Variants in LRRTM4 observed in about 807,000 individuals in gnomAD.
LRRTM4 encodes leucine-rich repeat transmembrane neuronal protein 4.
Under a neutral mutation model 47.6 loss-of-function variants are expected in LRRTM4, and 25 were observed. The ratio of observed to expected loss-of-function variants is 0.53; its 90% CI spans 0.38 to 0.73. The LOEUF is 0.73. Among genes scored for constraint, LRRTM4 ranks in the 30% least tolerant of loss-of-function variants. The pLI, the probability that LRRTM4 is intolerant of heterozygous loss-of-function variation, is 0.00. For missense variants in LRRTM4, 638 were observed against 713.4 expected (o/e 0.89, Z 1.20); for synonymous variants, 311 against 269.5 (o/e 1.15, Z -1.51).
chr2:77,243,974 T>G (rs1675349477), intron 3 of LRRTM4, among the ~76,000 whole-genome samples: 1 of 128,830 alleles, frequency 7.8e-6, no homozygotes, highest in East Asian at 2.2e-4. Context: ...CATGTGTCCA[T>G]GTGATCTCAT....
At chr2:76,911,131 TACTC>T (rs1483561404) in intron 3 of LRRTM4, among the ~76,000 whole-genome samples, 1 of 152,212 alleles carries the variant, frequency 6.6e-6, no homozygotes, top group Non-Finnish European at 1.5e-5. Flanking sequence ...GTTTAATAAT[TACTC>T]ATTTAGTCAT....
intron 3 of LRRTM4, among the ~76,000 whole-genome samples, chr2:77,041,105 A>G (rs982630875): frequency 4.0e-5 from 6 of 151,422 alleles, no homozygotes; most frequent in African/African-American, 2.4e-5. Context: ...GCTTCTGGTA[A>G]CCAATCTCCT....
At chr2:77,465,737 C>A (rs1480227685) in intron 3 of LRRTM4, among the ~76,000 whole-genome samples, 1 of 152,148 alleles carries the variant, frequency 6.6e-6, no homozygotes, top group Non-Finnish European at 1.5e-5. Context: ...TTTTACCTAT[C>A]AGTGGTCCCA....
At chr2:77,234,790 G>A (rs1573117397) in intron 3 of LRRTM4, among the ~76,000 whole-genome samples, 1 of 152,078 alleles carries the variant, frequency 6.6e-6, no homozygotes, top group African/African-American at 2.4e-5. Context: ...GGGTATAAGT[G>A]CAGGTTTGTT....
intron 3 of LRRTM4, among the ~76,000 whole-genome samples, chr2:76,930,434 C>A (rs1573328871): frequency 6.6e-6 from 1 of 152,162 alleles, no homozygotes. Flanking sequence ...TTATTATTTT[C>A]TTCCTTTTTG....
rs142101196 is a variant in LRRTM4, at chr2:76,775,914, C to G, written c.1552-26998G>C. 5.7e-3 allele frequency among the ~76,000 whole-genome samples: 858 copies of G among 151,170 alleles called. 7 individuals carry two copies. Among genetic ancestry groups the G allele is most frequent in the African/African-American group, 0.019 (779 of 41,026 alleles). ...CAATGCTATCCCTCCCGCCTCCCCCCACCCCACAACAGTCCCCAGAGTGTG... is the reference window on the plus strand; with the variant it reads ...CAATGCTATCCCTCCCGCCTCCCCCGACCCCACAACAGTCCCCAGAGTGTG... On this transcript the variant is annotated intron_variant, in intron 3 of 3. Coordinates refer to ENST00000409884, the MANE Select transcript of LRRTM4 (RefSeq NM_001134745.3).
At chr2:77,018,674 T>C (rs919204828) in intron 3 of LRRTM4, among the ~76,000 whole-genome samples, 2 of 152,184 alleles carry the variant, frequency 1.3e-5, no homozygotes, top group African/African-American at 4.8e-5. Flanking sequence ...GAATTACTAA[T>C]AGTTCAGAAG....
chr2:77,308,942 A>G (rs993292277), intron 3 of LRRTM4, among the ~76,000 whole-genome samples: 3 of 152,326 alleles, frequency 2.0e-5, no homozygotes, highest in East Asian at 3.9e-4. Flanking sequence ...AACACTAACC[A>G]TAAACTCAGT....
chr2:77,039,193 C>T (rs1678944024), intron 3 of LRRTM4, among the ~76,000 whole-genome samples: 3 of 151,188 alleles, frequency 2.0e-5, no homozygotes, highest in Non-Finnish European at 3.0e-5. Flanking sequence ...AAAAGAGGAT[C>T]ACAGAATAGC....
chr2:77,004,352 A>C (rs999317199), intron 3 of LRRTM4, among the ~76,000 whole-genome samples: 3 of 152,202 alleles, frequency 2.0e-5, no homozygotes, highest in African/African-American at 7.2e-5. Context: ...TGCTCTAGTC[A>C]TGGCTAAAAG....
chr2:77,423,979 A>G (rs866544721), intron 3 of LRRTM4, among the ~76,000 whole-genome samples: 1 of 152,130 alleles, frequency 6.6e-6, no homozygotes, highest in African/African-American at 2.4e-5. Context: ...TAAGCTGTCA[A>G]TTAGAATAAT....
intron 3 of LRRTM4, among the ~76,000 whole-genome samples, chr2:77,397,850 C>T (rs1673762610): frequency 6.6e-6 from 1 of 151,784 alleles, no homozygotes; most frequent in Non-Finnish European, 1.5e-5. Flanking sequence ...TATACGATTC[C>T]ATTGGTAGTG....
At chr2:76,810,638 T>C (rs1339047114) in intron 3 of LRRTM4, among the ~76,000 whole-genome samples, 1 of 152,186 alleles carries the variant, frequency 6.6e-6, no homozygotes, top group Admixed American at 6.6e-5. Flanking sequence ...CTATAGAAAT[T>C]ATATTCCAAA....
At chr2:77,309,681 TGATAGA>T (rs1677391976) in intron 3 of LRRTM4, among the ~76,000 whole-genome samples, 3 of 147,208 alleles carry the variant, frequency 2.0e-5, no homozygotes. Flanking sequence ...GATAGACAGA[TGATAGA>T]TAGATAGATA....
At chr2:77,352,042 A>G (rs1242757774) in intron 3 of LRRTM4, among the ~76,000 whole-genome samples, 1 of 152,130 alleles carries the variant, frequency 6.6e-6, no homozygotes, top group Non-Finnish European at 1.5e-5. Context: ...TTAAAGGTCA[A>G]GCTGCATAAA....
intron 3 of LRRTM4, among the ~76,000 whole-genome samples, chr2:77,050,410 C>A (rs1679391500): frequency 6.6e-6 from 1 of 152,086 alleles, no homozygotes; most frequent in Non-Finnish European, 1.5e-5. Context: ...AGCCCAATCC[C>A]CTCAACTATA....
chr2:76,764,489 G>T (rs1301138869), intron 3 of LRRTM4, among the ~76,000 whole-genome samples: 1 of 152,120 alleles, frequency 6.6e-6, no homozygotes, highest in Non-Finnish European at 1.5e-5. Context: ...AAATTAGCTG[G>T]GCGTGGTGGC....
At chr2:77,417,954 A>G (rs1275133906) in intron 3 of LRRTM4, among the ~76,000 whole-genome samples, 1 of 152,212 alleles carries the variant, frequency 6.6e-6, no homozygotes, top group Non-Finnish European at 1.5e-5. Context: ...TTTGAATAAT[A>G]ATAGTTCCCA....
At chr2:76,885,336 T>G (rs1349849554) in intron 3 of LRRTM4, among the ~76,000 whole-genome samples, 1 of 152,118 alleles carries the variant, frequency 6.6e-6, no homozygotes, top group Non-Finnish European at 1.5e-5. Flanking sequence ...CCTATCTTAC[T>G]TATCCTTGTT....
Sources: allele counts gnomAD v4.1 joint callset (sites outside exome capture counted in the v4.1 genomes callset), GRCh38; gene constraint gnomAD v4.1.1; transcripts MANE v1.5; gene names NCBI Gene and HGNC (gene_info 2026-07-23, HGNC 2026-07-21).